The following LPCAT1 variants were observed in gnomAD, a reference collection of about 807,000 sequenced individuals.
The protein encoded by LPCAT1 is 1-acylglycerol-3-phosphate O-acyltransferase.
LPCAT1 carries 23 observed loss-of-function variants against 60.9 expected under a neutral mutation model. The ratio of observed to expected loss-of-function variants is 0.38; its 90% CI spans 0.27 to 0.53. The LOEUF (loss-of-function observed/expected upper bound fraction) is 0.53, where lower values mean the gene tolerates loss of function less well. LPCAT1 is among the 20% of genes least tolerant of loss of function. The pLI is 0.82. For missense variants in LPCAT1, 622 were observed against 723.6 expected, an observed-to-expected ratio of 0.86 and a Z score of 1.61; for synonymous variants, 340 against 301.1, an observed-to-expected ratio of 1.13 and a Z score of -1.34.
chr5:1,465,383 AACAC>A (rs199542321), intron 13 of LPCAT1, among the ~76,000 whole-genome samples: 4 of 145,756 alleles, frequency 2.7e-5, no homozygotes, highest in African/African-American at 1.0e-4. Context: ...CACACACGGT[AACAC>A]ACATGCGCAT....
chr5:1,480,294 G>C lies in LPCAT1; in HGVS notation c.762-619C>G. Reference sequence around the variant, plus strand: ...TCCACACGCCAGCCTGGGAAGCGCTGACCTCAACACCTTCACCTGAAAGCA... The same window carrying C: ...TCCACACGCCAGCCTGGGAAGCGCTCACCTCAACACCTTCACCTGAAAGCA... On this transcript the variant is annotated intron_variant, in intron 7 of 13. Transcript: ENST00000283415. The surrounding 1 kb of genome is among the most constrained non-coding windows in gnomAD (Gnocchi z 6.4). The C allele has an allele frequency of 1.0e-6, 1 of 982,764 alleles. No individual in the cohort carries two copies. Among genetic ancestry groups the C allele is most frequent in the Non-Finnish European group, 1.2e-6 (1 of 828,268 alleles). 60.9% of individuals were successfully genotyped at this position (982,764 alleles called of 1,614,324 possible).
At chr5:1,469,505 G>A (rs1369242655) in intron 12 of LPCAT1, among the ~76,000 whole-genome samples, 3 of 152,346 alleles carry the variant, frequency 2.0e-5, no homozygotes, top group Non-Finnish European at 2.9e-5. Context: ...AACGGGGGGC[G>A]GTGGCTCATG....
chr5:1,467,174 C>T (rs1734450228), intron 12 of LPCAT1: 1 of 353,342 alleles, frequency 2.8e-6, no homozygotes, highest in East Asian at 4.2e-5. Flanking sequence ...AGCAAACCAA[C>T]CAGCACCTGT....
intron 2 of LPCAT1, among the ~76,000 whole-genome samples, chr5:1,498,066 G>T (rs144044447): frequency 1.3e-5 from 2 of 152,354 alleles, no homozygotes; most frequent in African/African-American, 4.8e-5. Context: ...TTTATTTTAG[G>T]AAGGTTTGAA....
At position 1,495,624 on chromosome 5, in the gene LPCAT1, T is replaced by C. The variant is rs527581915; in HGVS notation, c.279-710A>G. ...ACAGATTAGGCTGTTATTCCACACC[T>C]CAGGGAATTGACACGCAGCAGACAG... On this transcript the variant is annotated intron_variant, in intron 2 of 13. Coordinates refer to ENST00000283415, the MANE Select transcript of LPCAT1 (RefSeq NM_024830.5). The surrounding 1 kb of genome is among the most constrained non-coding windows in gnomAD (Gnocchi z 4.7). Among the ~76,000 whole-genome samples, 2 of 152,300 alleles carry C rather than the reference T, an allele frequency of 1.3e-5. No individual in the cohort carries two copies. The highest frequency in any genetic ancestry group is 4.1e-4 in the South Asian group (2 of 4,822).
chr5:1,479,194 G>A (rs1246288465), intron 8 of LPCAT1, among the ~76,000 whole-genome samples: 2 of 152,174 alleles, frequency 1.3e-5, no homozygotes, highest in Non-Finnish European at 2.9e-5. Flanking sequence ...CCAGGAGTTT[G>A]AGACCAGCCT....
intron 1 of LPCAT1, among the ~76,000 whole-genome samples, chr5:1,518,552 G>A (rs976241820): frequency 3.9e-5 from 6 of 152,236 alleles, no homozygotes; most frequent in African/African-American, 1.4e-4. Flanking sequence ...GTGTTAGCCA[G>A]GATGGTCTCG....
Position 1,516,410 on chromosome 5 carries a change from C to T in LPCAT1, c.135+7300G>A, listed in dbSNP as rs558441719. 1.1e-4 allele frequency among the ~76,000 whole-genome samples: 17 copies of T among 152,294 alleles called. No individual in the cohort carries two copies. The East Asian group carries it at 2.7e-3, about 24-fold the overall frequency. On this transcript the variant is annotated intron_variant, in intron 1 of 13. Transcript: ENST00000283415. ...TGCAGAAAGGTGGATCTAACCCCTC[C>T]AGGGTAGCCTAGGAGAACAAACAGA...
At position 1,462,838 on chromosome 5, in the gene LPCAT1, T is replaced by TAA. The variant is rs201385746; in HGVS notation, c.*811_*812dup. 1.3e-5 allele frequency: 2 copies of TAA among 152,000 alleles called. No individual in the cohort carries two copies. Among genetic ancestry groups the TAA allele is most frequent in the African/African-American group, 4.8e-5 (2 of 41,364 alleles). The allele number at this position is 152,000 out of a possible 1,614,324, so 9.4% of individuals were successfully genotyped here. On this transcript the variant is annotated 3_prime_UTR_variant, in exon 14 of 14. Coordinates refer to ENST00000283415, the MANE Select transcript of LPCAT1 (RefSeq NM_024830.5). ...AGAAACATCAAACTGCCAACGTTTA[T>TAA]AAAAAAAGAGGGGACTGGAAAAGGA... is the stretch of plus-strand genomic sequence containing the variant.
chr5:1,472,534 C>T (rs1157471520), intron 11 of LPCAT1, among the ~76,000 whole-genome samples: 2 of 152,026 alleles, frequency 1.3e-5, no homozygotes, highest in Non-Finnish European at 2.9e-5. Context: ...GGAGAATACT[C>T]CTATCTCATA....
At chr5:1,484,245 C>T (rs924836250) in intron 5 of LPCAT1, among the ~76,000 whole-genome samples, 5 of 152,240 alleles carry the variant, frequency 3.3e-5, no homozygotes, top group Admixed American at 2.0e-4. Context: ...GGAACTTCCC[C>T]GTTCCCACTG....
At chr5:1,474,760 C>A in intron 9 of LPCAT1, 75 bp from the exon 10 acceptor site, 1 of 1,541,122 alleles carries the variant, frequency 6.5e-7, no homozygotes, top group East Asian at 2.3e-5. Flanking sequence ...GAATAACCGC[C>A]GATGGCTCAG....
At chr5:1,497,059 A>C (rs1433395429) in intron 2 of LPCAT1, among the ~76,000 whole-genome samples, 1 of 152,196 alleles carries the variant, frequency 6.6e-6, no homozygotes, top group Non-Finnish European at 1.5e-5. Flanking sequence ...CATGGCAGAG[A>C]AGCAGAGGAC....
Position 1,477,354 on chromosome 5 carries a change from T to C in LPCAT1, c.899+50A>G, listed in dbSNP as rs1020570300. ...ATTTTAAATATACAGAGAGCAGCAC[T>C]CTGGGAGACACCCCTGACTCGGCGA... On this transcript the variant is annotated intron_variant, in intron 9 of 13. Transcript: ENST00000283415. The surrounding 1 kb of genome is among the most constrained non-coding windows in gnomAD (Gnocchi z 6.0). The C allele has an allele frequency of 3.4e-6, 5 of 1,472,104 alleles. No homozygotes were observed. Among genetic ancestry groups the C allele is most frequent in the Non-Finnish European group, 3.8e-6 (4 of 1,054,160 alleles). 91.2% of individuals were successfully genotyped at this position (1,472,104 alleles called of 1,614,324 possible).
intron 2 of LPCAT1, 29 bp from the exon 3 acceptor site, chr5:1,494,943 G>A (rs1333789296): frequency 6.5e-7 from 1 of 1,550,352 alleles, no homozygotes; most frequent in Non-Finnish European, 8.8e-7. Flanking sequence ...CGTCACGCGG[G>A]CACACGTCCG....
intron 1 of LPCAT1, among the ~76,000 whole-genome samples, chr5:1,517,808 T>A (rs976232970): frequency 6.6e-6 from 1 of 152,046 alleles, no homozygotes; most frequent in African/African-American, 2.4e-5. Context: ...AAGAGTAAAA[T>A]CAAGGTTTGG....
intron 1 of LPCAT1, among the ~76,000 whole-genome samples, chr5:1,504,010 TTC>T (rs1736107078): frequency 6.6e-6 from 1 of 152,270 alleles, no homozygotes; most frequent in South Asian, 2.1e-4. Flanking sequence ...GATTTGTTCA[TTC>T]TCTCTGTTGT....
intron 1 of LPCAT1, among the ~76,000 whole-genome samples, chr5:1,504,701 C>T (rs1254639073): frequency 7.7e-5 from 10 of 129,834 alleles, no homozygotes; most frequent in African/African-American, 2.0e-4. Context: ...GCAACAAGAG[C>T]GAATCTCCGT....
intron 13 of LPCAT1, among the ~76,000 whole-genome samples, chr5:1,465,973 T>C (rs1343456294): frequency 1.3e-5 from 2 of 152,330 alleles, no homozygotes; most frequent in East Asian, 3.9e-4. Flanking sequence ...ACATCCGCAC[T>C]CCCGCCTCCG....
Sources: gnomAD v4.1 joint callset for allele counts (sites outside exome capture counted in the v4.1 genomes callset) on GRCh38, gnomAD v4.1.1 for gene constraint, Gnocchi (gnomAD v3.1) non-coding constraint, MANE v1.5 for transcripts, NCBI Gene and HGNC (gene_info 2026-07-23, HGNC 2026-07-21) for gene names.